The following TNIP3 variants were observed in gnomAD, a reference collection of about 807,000 sequenced individuals.
TNIP3 encodes the protein TNFAIP3 interacting protein 3.
In TNIP3, 34 loss-of-function variants were observed where a neutral mutation model predicts 54.1. The ratio of observed to expected loss-of-function variants is 0.63; its 90% CI spans 0.48 to 0.84. The LOEUF is 0.84. TNIP3 is among the 40% of genes least tolerant of loss of function. The pLI is 0.00. For missense variants in TNIP3, 366 were observed against 387.6 expected (o/e 0.94, Z 0.47); for synonymous variants, 134 against 136.8 (o/e 0.98, Z 0.14).
intron 5 of TNIP3, among the ~76,000 whole-genome samples, chr4:121,150,704 G>A (rs1729696244): frequency 6.6e-6 from 1 of 152,214 alleles, no homozygotes; most frequent in Non-Finnish European, 1.5e-5. Context: ...GCTGGTCCCA[G>A]GTGATGTTTT....
At chr4:121,180,858 T>C (rs763844294) in intron 3 of TNIP3, among the ~76,000 whole-genome samples, 8 of 152,240 alleles carry the variant, frequency 5.3e-5, no homozygotes, top group African/African-American at 1.2e-4. Flanking sequence ...AGTCATTTCA[T>C]ATCTTCCCCA....
intron 10 of TNIP3, among the ~76,000 whole-genome samples, chr4:121,132,970 A>G (rs957169944): frequency 6.6e-6 from 1 of 152,176 alleles, no homozygotes; most frequent in Non-Finnish European, 1.5e-5. Flanking sequence ...ATGTGAAAGT[A>G]AGTCATATAT....
At chr4:121,206,189 G>C (rs1356897247) in intron 2 of TNIP3, among the ~76,000 whole-genome samples, 2 of 152,102 alleles carry the variant, frequency 1.3e-5, no homozygotes, top group African/African-American at 4.8e-5. Context: ...AAGACCAAAA[G>C]AAGAGCAAAT....
At chr4:121,212,894 T>C (rs1423294221) in intron 2 of TNIP3, among the ~76,000 whole-genome samples, 2 of 152,206 alleles carry the variant, frequency 1.3e-5, no homozygotes, top group African/African-American at 4.8e-5. Context: ...GAGATCATTT[T>C]AGTTTTCACT....
At chr4:121,174,587 C>A (rs1338915410) in intron 3 of TNIP3, among the ~76,000 whole-genome samples, 1 of 151,774 alleles carries the variant, frequency 6.6e-6, no homozygotes, top group Non-Finnish European at 1.5e-5. Context: ...AATATGCTAG[C>A]CTAAAAAATT....
chr4:121,223,012 A>G (rs1727103608), intron 1 of TNIP3, among the ~76,000 whole-genome samples: 1 of 152,078 alleles, frequency 6.6e-6, no homozygotes. Context: ...TCACCGTGTT[A>G]GCCAGGATGG....
chr4:121,160,330 T>G (rs1730369640), intron 2 of TNIP3, among the ~76,000 whole-genome samples: 1 of 151,976 alleles, frequency 6.6e-6, no homozygotes, highest in African/African-American at 2.4e-5. Context: ...GATACAAATA[T>G]TAGCTGGGCA....
At chr4:121,164,618 A>C (rs1730656553), upstream of TNIP3, among the ~76,000 whole-genome samples, 1 of 152,220 alleles carries the variant, frequency 6.6e-6, no homozygotes, top group African/African-American at 2.4e-5. Flanking sequence ...GGTTTCCCTA[A>C]AGGCGAGATT....
intron 8 of TNIP3, 71 bp downstream of exon 8, chr4:121,142,655 G>T: frequency 7.2e-7 from 1 of 1,382,988 alleles, no homozygotes; most frequent in Non-Finnish European, 1.0e-6. Flanking sequence ...GCTTGAACAT[G>T]TCTTTAATTG....
chr4:121,225,308 TC>T (rs1727210225), intron 1 of TNIP3, among the ~76,000 whole-genome samples: 1 of 152,214 alleles, frequency 6.6e-6, no homozygotes. Flanking sequence ...TAGAATATTT[TC>T]CCCCCATATG....
At chr4:121,160,918 G>A (rs1420246489) in intron 2 of TNIP3, among the ~76,000 whole-genome samples, 2 of 152,126 alleles carry the variant, frequency 1.3e-5, no homozygotes, top group Non-Finnish European at 2.9e-5. Context: ...TGACTTTGTC[G>A]TTTTTCATTC....
At position 121,154,739 on chromosome 4, in the gene TNIP3, G is replaced by A. The variant is rs570805250; in HGVS notation, c.364-60C>T. On this transcript the variant is annotated intron_variant, in intron 4 of 10. Transcript: ENST00000057513. ...AGTACAAGTCAAATGAGATGATATT[G>A]TAGGAATTCTGATATATCAGCCATG... The A allele has an allele frequency of 6.1e-6, 9 of 1,481,770 alleles. No homozygotes were observed. The African/African-American group carries it at 1.3e-4, about 21-fold the overall frequency. 91.8% of individuals were successfully genotyped at this position (1,481,770 alleles called of 1,614,324 possible). A position where few individuals can be genotyped will look rare whatever the true frequency, so the allele number is the denominator to read the frequency against.
At chr4:121,197,393 T>C (rs1725655310) in intron 2 of TNIP3, among the ~76,000 whole-genome samples, 2 of 151,956 alleles carry the variant, frequency 1.3e-5, no homozygotes, top group Admixed American at 1.3e-4. Flanking sequence ...CTGGGCGTGG[T>C]GGCGGGTGCC....
chr4:121,217,369 A>G (rs981599257), upstream of TNIP3, among the ~76,000 whole-genome samples: 1 of 151,238 alleles, frequency 6.6e-6, no homozygotes, highest in Non-Finnish European at 1.5e-5. Context: ...ACAACAACCA[A>G]AAAAAAAAGT....
upstream of TNIP3, among the ~76,000 whole-genome samples, chr4:121,168,779 C>A (rs1730912283): frequency 6.6e-6 from 1 of 151,518 alleles, no homozygotes; most frequent in Non-Finnish European, 1.5e-5. Flanking sequence ...CACAGCTTCT[C>A]AAAAAAAATG....
intron 3 of TNIP3, among the ~76,000 whole-genome samples, chr4:121,174,159 G>T (rs554640659): frequency 6.6e-6 from 1 of 152,314 alleles, no homozygotes; most frequent in African/African-American, 2.4e-5. Context: ...TCAGGTGAAA[G>T]AGAACTACCT....
chr4:121,212,056 C>G (rs1160412240), intron 2 of TNIP3, among the ~76,000 whole-genome samples: 1 of 152,190 alleles, frequency 6.6e-6, no homozygotes, highest in Admixed American at 6.5e-5. Flanking sequence ...GTATTCTTTT[C>G]AACATCTCCC....
At chr4:121,201,673 A>T (rs1725895373) in intron 2 of TNIP3, among the ~76,000 whole-genome samples, 1 of 152,196 alleles carries the variant, frequency 6.6e-6, no homozygotes, top group Admixed American at 6.5e-5. Flanking sequence ...ATTCTAGATT[A>T]ACCAACTAGC....
At chr4:121,188,353 T>C (rs1725129963) in intron 2 of TNIP3, among the ~76,000 whole-genome samples, 1 of 152,054 alleles carries the variant, frequency 6.6e-6, no homozygotes, top group African/African-American at 2.4e-5. Flanking sequence ...TTGTGAACTG[T>C]TTTTCCCAGA....
Sources: allele counts gnomAD v4.1 joint callset (sites outside exome capture counted in the v4.1 genomes callset), GRCh38; gene constraint gnomAD v4.1.1; transcripts MANE v1.5; gene names NCBI Gene and HGNC (gene_info 2026-07-23, HGNC 2026-07-21).